The following PCDHGB1 variants were observed in gnomAD, a reference collection of about 807,000 sequenced individuals.
The protein encoded by PCDHGB1 is protocadherin gamma subfamily B, 1.
A neutral mutation model predicts 56.6 loss-of-function variants in PCDHGB1; 34 were observed. That is an observed-to-expected ratio of 0.60 (90% CI 0.46 to 0.80). The LOEUF (loss-of-function observed/expected upper bound fraction) is 0.80, where lower values mean the gene tolerates loss of function less well. Among genes scored for constraint, PCDHGB1 ranks in the 30% least tolerant of loss-of-function variants. The pLI is 0.00. For synonymous variants in PCDHGB1, 561 were observed against 505.9 expected (o/e 1.11, Z -1.46); for missense variants, 1,278 against 1,204.6 (o/e 1.06, Z -0.90).
intron 1 of PCDHGB1, chr5:141,372,483 G>C: frequency 1.2e-6 from 2 of 1,614,028 alleles, no homozygotes; most frequent in Non-Finnish European, 1.7e-6. Flanking sequence ...AGTGGCGTTG[G>C]CCTTGATCTC....
chr5:141,394,859 C>A, intron 1 of PCDHGB1: 1 of 1,613,758 alleles, frequency 6.2e-7, no homozygotes. Context: ...AGCCTTCGGT[C>A]GACCCGAACG....
At chr5:141,494,937 G>A (rs759078748) in intron 2 of PCDHGB1, 72 bp downstream of exon 2, 130 of 1,612,276 alleles carry the variant, frequency 8.1e-5, no homozygotes, top group Non-Finnish European at 1.1e-4. Context: ...GAGGAGATGG[G>A]GGAGGGCCCA....
At chr5:141,409,681 G>A in intron 1 of PCDHGB1, 1 of 1,613,368 alleles carries the variant, frequency 6.2e-7, no homozygotes, top group South Asian at 1.1e-5. Flanking sequence ...CTATAGTGGC[G>A]AGTGACCTAG....
intron 1 of PCDHGB1, chr5:141,372,823 A>G (rs1561557860): frequency 6.4e-7 from 1 of 1,564,608 alleles, no homozygotes; most frequent in South Asian, 1.2e-5. Flanking sequence ...AGTTTCTTCA[A>G]ACCTTTCCTT....
chr5:141,356,998 C>A (rs1160143660), intron 1 of PCDHGB1: 2 of 1,614,190 alleles, frequency 1.2e-6, no homozygotes, highest in Non-Finnish European at 1.7e-6. Context: ...AGACTCAGGT[C>A]AGAATGCCTG....
intron 1 of PCDHGB1, among the ~76,000 whole-genome samples, chr5:141,464,417 A>C (rs2099083685): frequency 6.6e-6 from 1 of 151,564 alleles, no homozygotes; most frequent in African/African-American, 2.4e-5. Flanking sequence ...ATATATATCT[A>C]TATATATAGA....
intron 2 of PCDHGB1, among the ~76,000 whole-genome samples, chr5:141,499,192 C>T (rs1048812227): frequency 1.1e-4 from 17 of 152,106 alleles, no homozygotes; most frequent in South Asian, 2.1e-4. Flanking sequence ...CCATTTCCCC[C>T]TTCTTAGGCT....
chr5:141,434,768 T>C (rs6580188), intron 1 of PCDHGB1, among the ~76,000 whole-genome samples: 81,499 of 151,296 alleles, frequency 0.54, 23,977 homozygotes, highest in African/African-American at 0.79. Context: ...CACTTCACAC[T>C]TCTAAAAAAA....
In PCDHGB1 at chr5:141,423,390, T is replaced by C. The variant is rs751337994; in HGVS notation, c.2409+70721T>C. ...TGGCACTCAGGCTGTGGCGCTGGCATAAGTCACGCCTGCTGCAGGCTTCTG... is the reference window on the plus strand; with the variant it reads ...TGGCACTCAGGCTGTGGCGCTGGCACAAGTCACGCCTGCTGCAGGCTTCTG... On this transcript the variant is annotated intron_variant, in intron 1 of 3. Coordinates refer to ENST00000523390, the MANE Select transcript of PCDHGB1 (RefSeq NM_018922.3). 2.5e-6 allele frequency: 4 copies of C among 1,614,144 alleles called. No homozygotes were observed. In the South Asian group the frequency reaches 3.3e-5, roughly 13 times the overall value.
chr5:141,356,965 A>T, intron 1 of PCDHGB1: 2 of 1,614,210 alleles, frequency 1.2e-6, no homozygotes, highest in Non-Finnish European at 1.7e-6. Context: ...CTACCTGGTG[A>T]CCAAAGTGGT....
intron 1 of PCDHGB1, among the ~76,000 whole-genome samples, chr5:141,474,250 A>G (rs2099346141): frequency 6.6e-6 from 1 of 152,236 alleles, no homozygotes; most frequent in East Asian, 1.9e-4. Flanking sequence ...GGGGAAAAAA[A>G]GACTGATAAA....
chr5:141,409,159 G>C, intron 1 of PCDHGB1: 1 of 1,614,014 alleles, frequency 6.2e-7, no homozygotes, highest in East Asian at 2.2e-5. Flanking sequence ...CCATGGAAGT[G>C]GAAGCGAAGG....
At chr5:141,455,874 T>C (rs2098834969) in intron 1 of PCDHGB1, among the ~76,000 whole-genome samples, 1 of 146,458 alleles carries the variant, frequency 6.8e-6, no homozygotes, top group South Asian at 2.1e-4. Flanking sequence ...TTTATTTATT[T>C]ATTTATTTAT....
chr5:141,361,248 G>C (rs376049174), intron 1 of PCDHGB1: 2 of 1,613,840 alleles, frequency 1.2e-6, no homozygotes, highest in African/African-American at 2.7e-5. Context: ...TGATAAAAAC[G>C]AGAGACAGAG....
At chr5:141,447,390 G>A (rs1048677634) in intron 1 of PCDHGB1, among the ~76,000 whole-genome samples, 4 of 151,976 alleles carry the variant, frequency 2.6e-5, no homozygotes, top group Admixed American at 6.6e-5. Flanking sequence ...TGCCCACCTC[G>A]GCCTCCCAAA....
chr5:141,350,425 T>A lies in PCDHGB1; in HGVS notation c.165T>A (p.Ser55Arg), dbSNP rs759895057. 1 of 1,607,986 alleles carries A rather than the reference T, an allele frequency of 6.2e-7. No homozygotes were observed. The highest frequency in any genetic ancestry group is 2.2e-5 in the East Asian group (1 of 44,764). ...AACTTGCCAAGGATCTGGGGCTCAG[T>A]GTCCGGGAGTTGCCAACTCGAAAAC... ...VGKLAKDLGLSVRELPTRKLR... is the reference protein window; with the variant it reads ...VGKLAKDLGLRVRELPTRKLR... Residue 55 changes from serine to arginine, a missense_variant, in exon 1 of 4, where the codon AGT (serine) becomes AGA (arginine). Transcript: ENST00000523390.
intron 2 of PCDHGB1, among the ~76,000 whole-genome samples, chr5:141,496,839 AG>A (rs2099771805): frequency 1.3e-5 from 2 of 151,484 alleles, no homozygotes; most frequent in African/African-American, 4.9e-5. Context: ...CAGAACTCAT[AG>A]GCTTCCAGAC....
chr5:141,365,838 C>A, intron 1 of PCDHGB1: 1 of 1,613,976 alleles, frequency 6.2e-7, no homozygotes, highest in Non-Finnish European at 8.5e-7. Flanking sequence ...CCCTTGTCCT[C>A]CTATGTATCC....
intron 1 of PCDHGB1, chr5:141,376,302 T>C (rs763012052): frequency 1.2e-6 from 2 of 1,614,166 alleles, no homozygotes; most frequent in South Asian, 2.2e-5. Context: ...GGCTCGCACT[T>C]TGTGGGCGTG....
Sources: gnomAD v4.1 joint callset for allele counts (sites outside exome capture counted in the v4.1 genomes callset) on GRCh38, gnomAD v4.1.1 for gene constraint, MANE v1.5 for transcripts, NCBI Gene and HGNC (gene_info 2026-07-23, HGNC 2026-07-21) for gene names.